Variants in FRMD4A observed in about 807,000 individuals in gnomAD.
FRMD4A encodes FERM domain-containing protein 4A.
A neutral mutation model predicts 129.1 loss-of-function variants in FRMD4A; 29 were observed. That is an observed-to-expected ratio of 0.22 (90% confidence interval 0.17 to 0.31). The LOEUF (loss-of-function observed/expected upper bound fraction) is 0.31, where lower values mean the gene tolerates loss of function less well. Among genes scored for constraint, FRMD4A ranks in the 10% least tolerant of loss-of-function variants. FRMD4A has a pLI of 1.00. For synonymous variants in FRMD4A, 634 were observed against 571.6 expected (o/e 1.11, Z -1.56); for missense variants, 1,272 against 1,375.8 (o/e 0.92, Z 1.19).
chr10:13,657,804 A>T lies in FRMD4A; in HGVS notation c.2067-282T>A, dbSNP rs570654112. Among the ~76,000 whole-genome samples, 208 of 104,768 alleles carry T rather than the reference A, an allele frequency of 2.0e-3. 5 individuals carry two copies. In the South Asian group the frequency reaches 0.048, roughly 24 times the overall value. 68.7% of individuals were successfully genotyped at this position (104,768 alleles called of 152,430 possible). ...GATTTCTGGGTTTTTTTTTTTTTTT[A>T]AATAATTCTATAGACACAAAGAGAA... is the stretch of plus-strand genomic sequence containing the variant. On this transcript the variant is annotated intron_variant, in intron 21 of 24. Transcript: ENST00000357447.
chr10:14,067,055 C>G (rs376858472), intron 2 of FRMD4A, among the ~76,000 whole-genome samples: 2 of 152,132 alleles, frequency 1.3e-5, no homozygotes, highest in Admixed American at 6.5e-5. Context: ...CAGTGGCTCA[C>G]GCCTGTAATC....
At chr10:13,699,031 G>T (rs1160033494) in intron 14 of FRMD4A, among the ~76,000 whole-genome samples, 4 of 148,536 alleles carry the variant, frequency 2.7e-5, no homozygotes, top group Non-Finnish European at 5.9e-5. Flanking sequence ...GACACGTCTT[G>T]TTGCTAATTT....
intron 2 of FRMD4A, among the ~76,000 whole-genome samples, chr10:14,164,166 G>C (rs1841048410): frequency 1.3e-5 from 2 of 152,198 alleles, no homozygotes; most frequent in Non-Finnish European, 2.9e-5. Flanking sequence ...TGGTATATGT[G>C]GTCTGTTTCT....
At chr10:14,134,549 GA>G (rs897860539) in intron 2 of FRMD4A, among the ~76,000 whole-genome samples, 2 of 146,310 alleles carry the variant, frequency 1.4e-5, no homozygotes, top group Middle Eastern at 3.7e-3. Context: ...AGGGATTGGT[GA>G]AAAAAATGGG....
At chr10:13,787,546 G>A (rs1044878049) in intron 5 of FRMD4A, among the ~76,000 whole-genome samples, 1 of 151,802 alleles carries the variant, frequency 6.6e-6, no homozygotes, top group Admixed American at 6.6e-5. Flanking sequence ...CTGCAGCCTC[G>A]ACCTCCTGGG....
intron 2 of FRMD4A, among the ~76,000 whole-genome samples, chr10:14,204,658 C>T (rs1474886495): frequency 2.0e-5 from 3 of 152,098 alleles, no homozygotes; most frequent in Non-Finnish European, 2.9e-5. Flanking sequence ...GCAGGACCCT[C>T]TCTTTTTCTT....
At chr10:13,658,881 CA>C (rs60536121) in intron 21 of FRMD4A, among the ~76,000 whole-genome samples, 811 of 75,174 alleles carry the variant, frequency 0.011, 5 homozygotes, top group African/African-American at 0.022. Flanking sequence ...GACTCCATCT[CA>C]AAAAAAAAAA....
Position 14,328,626 on chromosome 10 carries a change from A to ATGTGTGTGTG in FRMD4A, c.45+1422_45+1431dup, listed in dbSNP as rs58681647. On this transcript the variant is annotated intron_variant, in intron 2 of 24. Transcript: ENST00000357447. ...ACTAGATAATATAATATACATATGCATGTGTGTGTGTGTGTGTGTGTGTGT... is the reference window on the plus strand; with the variant it reads ...ACTAGATAATATAATATACATATGCATGTGTGTGTGTGTGTGTGTGTGTGTGTGTGTGTGT... 1.3e-3 allele frequency among the ~76,000 whole-genome samples: 189 copies of ATGTGTGTGTG among 142,578 alleles called. 2 individuals carry two copies. The highest frequency in any genetic ancestry group is 4.7e-3 in the African/African-American group (181 of 38,632). 93.5% of individuals were successfully genotyped at this position (142,578 alleles called of 152,430 possible).
At chr10:14,135,938 G>A (rs964239317) in intron 2 of FRMD4A, among the ~76,000 whole-genome samples, 11 of 152,178 alleles carry the variant, frequency 7.2e-5, no homozygotes, top group Non-Finnish European at 1.2e-4. Context: ...ATATTGAAAT[G>A]CATGTTCAAC....
At position 13,737,872 on chromosome 10, in the gene FRMD4A, T is replaced by C; in HGVS notation, c.731A>G (p.Asp244Gly). The C allele has an allele frequency of 1.2e-6, 2 of 1,603,142 alleles. No individual in the cohort carries two copies. The highest frequency in any genetic ancestry group is 1.7e-6 in the Non-Finnish European group (2 of 1,170,212). ...GLSYKGIFQY[D>G]YHDKVKPRKI... Reference sequence around the variant, plus strand: ...TCTTGGCTTCACTTTATCATGGTAGTCATACTGGAAGATCCCTTTGTAGCT... The same window carrying C: ...TCTTGGCTTCACTTTATCATGGTAGCCATACTGGAAGATCCCTTTGTAGCT... The change falls in exon 12 of 25, where the codon GAC (aspartate) becomes GGC (glycine). Residue 244 changes from aspartate (D) to glycine (G), a missense_variant. By Grantham distance (94) the Asp-to-Gly change is moderately conservative (BLOSUM62 -1). Coordinates refer to ENST00000357447, the MANE Select transcript of FRMD4A (RefSeq NM_018027.5).
At chr10:14,243,868 A>C (rs2132009389) in intron 2 of FRMD4A, among the ~76,000 whole-genome samples, 1 of 151,432 alleles carries the variant, frequency 6.6e-6, no homozygotes, top group Admixed American at 6.6e-5. Context: ...CCAGGACTGC[A>C]ATCTAATTAC....
intron 2 of FRMD4A, among the ~76,000 whole-genome samples, chr10:13,865,169 T>G (rs1029287352): frequency 7.9e-5 from 12 of 152,112 alleles, no homozygotes; most frequent in Admixed American, 5.9e-4. Context: ...GCCTTGTTCC[T>G]TGTCTGTACA....
At chr10:13,765,336 C>T (rs1425417066) in intron 6 of FRMD4A, among the ~76,000 whole-genome samples, 6 of 151,920 alleles carry the variant, frequency 3.9e-5, no homozygotes, top group Admixed American at 3.9e-4. Context: ...AGGCTGGTCT[C>T]GAACTTCTGA....
At chr10:13,841,749 C>T (rs972378585) in intron 3 of FRMD4A, among the ~76,000 whole-genome samples, 5 of 152,146 alleles carry the variant, frequency 3.3e-5, no homozygotes, top group African/African-American at 4.8e-5. Context: ...TATAATATAA[C>T]CTTCATCATG....
At chr10:14,291,976 A>C (rs1308922175) in intron 2 of FRMD4A, among the ~76,000 whole-genome samples, 1 of 152,166 alleles carries the variant, frequency 6.6e-6, no homozygotes, top group Admixed American at 6.5e-5. Context: ...ATACATATAT[A>C]TTTCTTAGGA....
intron 2 of FRMD4A, among the ~76,000 whole-genome samples, chr10:14,255,929 C>T (rs899802220): frequency 5.4e-5 from 8 of 149,224 alleles, no homozygotes; most frequent in Non-Finnish European, 1.2e-4. Flanking sequence ...TCACTTGAAC[C>T]GAGAATGCAG....
intron 3 of FRMD4A, among the ~76,000 whole-genome samples, chr10:13,840,288 T>C (rs1239910298): frequency 6.6e-6 from 1 of 152,026 alleles, no homozygotes; most frequent in Non-Finnish European, 1.5e-5. Flanking sequence ...TACTCCAGTA[T>C]ACAGGAAAGG....
intron 2 of FRMD4A, among the ~76,000 whole-genome samples, chr10:14,144,954 T>C (rs1181075011): frequency 1.3e-5 from 2 of 152,148 alleles, no homozygotes; most frequent in East Asian, 3.9e-4. Flanking sequence ...TTAGAAACCA[T>C]CTACTGCTGC....
chr10:13,887,464 T>C (rs1041222133), intron 2 of FRMD4A, among the ~76,000 whole-genome samples: 5 of 152,076 alleles, frequency 3.3e-5, no homozygotes, highest in Admixed American at 1.3e-4. Context: ...GCGGATCACA[T>C]GGTGAGGAGA....
Sources: allele counts gnomAD v4.1 joint callset (sites outside exome capture counted in the v4.1 genomes callset), GRCh38; gene constraint gnomAD v4.1.1; transcripts MANE v1.5; gene names NCBI Gene and HGNC (gene_info 2026-07-23, HGNC 2026-07-21).